The following TRIM9 variants were observed in gnomAD, a reference collection of about 807,000 sequenced individuals.
TRIM9 encodes E3 ubiquitin-protein ligase TRIM9.
A neutral mutation model predicts 78.3 loss-of-function variants in TRIM9; 26 were observed. That is an observed-to-expected ratio of 0.33 (90% CI 0.24 to 0.46). The LOEUF is 0.46. TRIM9 is among the 20% of genes least tolerant of loss of function. TRIM9 has a pLI of 1.00. For synonymous variants in TRIM9, 398 were observed against 416.5 expected, an observed-to-expected ratio of 0.96 and a Z score of 0.54; for missense variants, 787 against 1,036.4, an observed-to-expected ratio of 0.76 and a Z score of 3.30.
At chr14:51,033,342 C>T (rs571904044) in intron 1 of TRIM9, among the ~76,000 whole-genome samples, 40 of 152,342 alleles carry the variant, frequency 2.6e-4, no homozygotes, top group East Asian at 1.9e-3. Flanking sequence ...CTACCTGCCT[C>T]GGCCTCCCAA....
intron 1 of TRIM9, among the ~76,000 whole-genome samples, chr14:51,051,288 A>G (rs2140078872): frequency 6.6e-6 from 1 of 152,294 alleles, no homozygotes; most frequent in South Asian, 2.1e-4. Flanking sequence ...AGAGAAAGAG[A>G]GCTCAAAAGA....
chr14:50,981,742 TCTCA>T (rs1391937958), intron 11 of TRIM9, 54 bp downstream of exon 11: 5 of 1,599,644 alleles, frequency 3.1e-6, no homozygotes, highest in Admixed American at 3.4e-5. Context: ...GAACTGGGGC[TCTCA>T]CTCCTGATCA....
chr14:50,994,375 G>T (rs1445222615), intron 7 of TRIM9, among the ~76,000 whole-genome samples: 1 of 152,202 alleles, frequency 6.6e-6, no homozygotes, highest in Non-Finnish European at 1.5e-5. Context: ...CCACTGCACT[G>T]CAGCCTGGGT....
intron 5 of TRIM9, among the ~76,000 whole-genome samples, chr14:51,001,541 A>C (rs957379226): frequency 2.0e-5 from 3 of 152,058 alleles, no homozygotes; most frequent in African/African-American, 4.8e-5. Flanking sequence ...TGTGCTAATA[A>C]TTTTATCATA....
At position 51,094,647 on chromosome 14, in the gene TRIM9, C is replaced by T. The variant is rs1245856638; in HGVS notation, c.293G>A (p.Gly98Asp). 2 of 1,603,306 alleles carry T rather than the reference C, an allele frequency of 1.2e-6. No individual in the cohort carries two copies. The highest frequency in any genetic ancestry group is 1.7e-6 in the Non-Finnish European group (2 of 1,173,758). The part of the protein sequence containing the change: ...PTTPCQKSPN[G>D]VRVFPPAMPP... Reference sequence around the variant, plus strand: ...CATAGCCGGGGGAAACACGCGGACGCCGTTGGGGGACTTCTGGCACGGGGT... The same window carrying T: ...CATAGCCGGGGGAAACACGCGGACGTCGTTGGGGGACTTCTGGCACGGGGT... The change falls in exon 1 of 13, where the codon GGC becomes GAC. Residue 98 changes from glycine (G) to aspartate (D), a missense_variant. Physicochemically the swap from Gly to Asp is moderately conservative, Grantham distance 94. Coordinates refer to ENST00000684578, the MANE Select transcript of TRIM9 (RefSeq NM_001387360.1).
chr14:51,002,146 C>G (rs12887314), intron 5 of TRIM9, among the ~76,000 whole-genome samples: 50,295 of 151,906 alleles, frequency 0.33, 9,227 homozygotes, highest in South Asian at 0.58. Context: ...TTTTGAGACG[C>G]AGTCTCGCTC....
At chr14:51,053,740 C>G (rs1400471929) in intron 1 of TRIM9, among the ~76,000 whole-genome samples, 1 of 148,416 alleles carries the variant, frequency 6.7e-6, no homozygotes, top group African/African-American at 2.6e-5. Flanking sequence ...AATGCTATCC[C>G]TCCCCGCTCC....
chr14:51,070,025 A>G (rs906633632), intron 1 of TRIM9, among the ~76,000 whole-genome samples: 2 of 152,218 alleles, frequency 1.3e-5, no homozygotes, highest in Non-Finnish European at 2.9e-5. Flanking sequence ...TGATCAGGGT[A>G]ATGCTCCTTG....
At position 51,051,544 on chromosome 14, in the gene TRIM9, A is replaced by G. The variant is rs563900661; in HGVS notation, c.823-26184T>C. On this transcript the variant is annotated intron_variant, in intron 1 of 12. Transcript: ENST00000684578. The stretch of plus-strand genomic sequence containing the variant: ...TGGGAGATTTTTACACAAAGAACCC[A>G]GGAAGAGATGCATTTATATAGCTTG... Among the ~76,000 whole-genome samples, 19 of 152,338 alleles carry G rather than the reference A, an allele frequency of 1.2e-4. No homozygotes were observed. The South Asian group carries it at 3.5e-3, about 28-fold the overall frequency.
Position 51,025,207 on chromosome 14 carries a change from C to T in TRIM9, c.918+58G>A, listed in dbSNP as rs569441211. The T allele has an allele frequency of 1.5e-3, 2,165 of 1,442,726 alleles. 4 individuals carry two copies. The highest frequency in any genetic ancestry group is 1.8e-3 in the Non-Finnish European group (1,835 of 1,036,414). 89.4% of individuals were successfully genotyped at this position (1,442,726 alleles called of 1,614,324 possible). A position where few individuals can be genotyped will look rare whatever the true frequency, so the allele number is the denominator to read the frequency against. ...ATAAAAGAGGAGAAGGAAACTCTCC[C>T]GCCACACAGTTACGTATTAACCGGC... On this transcript the variant is annotated intron_variant, in intron 2 of 12. Transcript: ENST00000684578.
chr14:51,024,285 T>C lies in TRIM9; in HGVS notation c.918+980A>G, dbSNP rs61985024. Among the ~76,000 whole-genome samples, 1,437 of 152,252 alleles carry C rather than the reference T, an allele frequency of 9.4e-3. 19 individuals are homozygous for C. Among genetic ancestry groups the C allele is most frequent in the Non-Finnish European group, 0.017 (1,137 of 68,018 alleles). ...GCCAGCAGAGTAAAGAAAGAACTGA[T>C]TGATAAACTCCATTGCTTTGGAAAA... On this transcript the variant is annotated intron_variant, in intron 2 of 12. Coordinates refer to ENST00000684578, the MANE Select transcript of TRIM9 (RefSeq NM_001387360.1).
chr14:51,067,376 A>G (rs966608315), intron 1 of TRIM9, among the ~76,000 whole-genome samples: 6 of 152,110 alleles, frequency 3.9e-5, no homozygotes, highest in Non-Finnish European at 8.8e-5. Flanking sequence ...CAGCCTACTA[A>G]CTTCTACTGT....
At chr14:51,079,906 T>TA (rs1457935056) in intron 1 of TRIM9, among the ~76,000 whole-genome samples, 1 of 152,146 alleles carries the variant, frequency 6.6e-6, no homozygotes, top group Non-Finnish European at 1.5e-5. Flanking sequence ...AAACTCTAGA[T>TA]ACACAGGAGA....
intron 5 of TRIM9, among the ~76,000 whole-genome samples, chr14:51,001,521 G>A (rs970998648): frequency 2.0e-5 from 3 of 152,094 alleles, no homozygotes; most frequent in Non-Finnish European, 2.9e-5. Context: ...GAGCCACCGC[G>A]CCCGGCCGCT....
At position 51,094,703 on chromosome 14, in the gene TRIM9, G is replaced by A. The variant is rs1252662509; in HGVS notation, c.237C>T (p.Gly79=). The A allele has an allele frequency of 6.4e-7, 1 of 1,562,008 alleles. No homozygotes were observed. The highest frequency in any genetic ancestry group is 8.7e-7 in the Non-Finnish European group (1 of 1,153,580). The change falls in exon 1 of 13, where the codon GGC becomes GGT. Residue 79 remains glycine, a synonymous_variant. Transcript: ENST00000684578. The part of the protein sequence containing the change: ...SLYSEADSGY[G]SYGGFASAPT... ...GGGCGCTGGCGAACCCCCCGTAGGA[G>A]CCATAGCCGCTGTCCGCCTCGCTGT...
chr14:51,082,951 G>A (rs1480053870), intron 1 of TRIM9, among the ~76,000 whole-genome samples: 2 of 152,184 alleles, frequency 1.3e-5, no homozygotes, highest in Non-Finnish European at 2.9e-5. Context: ...TGGCACTTGT[G>A]AACTGTGACT....
intron 1 of TRIM9, among the ~76,000 whole-genome samples, chr14:51,039,433 G>A (rs985006002): frequency 2.6e-5 from 4 of 152,170 alleles, no homozygotes; most frequent in African/African-American, 2.4e-5. Context: ...GTGTATTCAC[G>A]CGATTCAATA....
chr14:51,016,009 G>A (rs890039330), intron 3 of TRIM9, among the ~76,000 whole-genome samples: 4 of 152,036 alleles, frequency 2.6e-5, no homozygotes, highest in South Asian at 2.1e-4. Context: ...TTTAAGGTCC[G>A]GTACAGTTGT....
rs115778158 is a variant in TRIM9 at position 51,039,212 on chromosome 14, C to A, written c.823-13852G>T. On this transcript the variant is annotated intron_variant, in intron 1 of 12. Coordinates refer to ENST00000684578, the MANE Select transcript of TRIM9 (RefSeq NM_001387360.1). Reference sequence around the variant, plus strand: ...CTGGTCAGCACATGGAACATCTAGACCCTCACATGTTGCTACTGAGAGTGT... The same window carrying A: ...CTGGTCAGCACATGGAACATCTAGAACCTCACATGTTGCTACTGAGAGTGT... Among the ~76,000 whole-genome samples, 305 of 152,294 alleles carry A rather than the reference C, an allele frequency of 2.0e-3. 2 individuals carry two copies. The highest frequency in any genetic ancestry group is 6.6e-3 in the African/African-American group (274 of 41,542).
Sources: gnomAD v4.1 joint callset for allele counts (sites outside exome capture counted in the v4.1 genomes callset) on GRCh38, gnomAD v4.1.1 for gene constraint, MANE v1.5 for transcripts, NCBI Gene and HGNC (gene_info 2026-07-23, HGNC 2026-07-21) for gene names.